CHN2: variants seen among roughly 807,000 people sequenced by gnomAD.
The protein encoded by CHN2 is chimerin 2.
In CHN2, 35 loss-of-function variants were observed where a neutral mutation model predicts 56.3. That is an observed-to-expected ratio of 0.62 (90% CI 0.47 to 0.82). The LOEUF is 0.82. CHN2 is among the 40% of genes least tolerant of loss of function. CHN2 has a pLI of 0.00. For synonymous variants in CHN2, 210 were observed against 212.8 expected (o/e 0.99, Z 0.12); for missense variants, 491 against 580.5 (o/e 0.85, Z 1.58).
intron 1 of CHN2, among the ~76,000 whole-genome samples, chr7:29,218,928 A>G (rs1785557268): frequency 1.3e-5 from 2 of 152,022 alleles, no homozygotes; most frequent in Non-Finnish European, 2.9e-5. Context: ...TGTTGTGCAC[A>G]TGTACCCTAG....
chr7:29,202,326 G>T (rs1784222749), intron 1 of CHN2, among the ~76,000 whole-genome samples: 1 of 152,198 alleles, frequency 6.6e-6, no homozygotes, highest in Non-Finnish European at 1.5e-5. Flanking sequence ...AAATGCATTG[G>T]TTTTTAGAAA....
chr7:29,401,163 G>T (rs1363141839), intron 6 of CHN2: 1 of 255,314 alleles, frequency 3.9e-6, no homozygotes, highest in African/African-American at 2.3e-5. Flanking sequence ...AGTTACTTGG[G>T]AGGCTGAGGC....
chr7:29,334,237 G>A (rs1796447011), intron 1 of CHN2, among the ~76,000 whole-genome samples: 1 of 151,766 alleles, frequency 6.6e-6, no homozygotes, highest in Non-Finnish European at 1.5e-5. Flanking sequence ...TTTTAGTAGA[G>A]ACAGGGTTTC....
chr7:29,341,731 T>C (rs1797066401), intron 1 of CHN2, among the ~76,000 whole-genome samples: 1 of 152,242 alleles, frequency 6.6e-6, no homozygotes, highest in South Asian at 2.1e-4. Flanking sequence ...TTTTCTACAA[T>C]GTTCAAACCA....
At chr7:29,290,369 A>G (rs1187656119) in intron 1 of CHN2, among the ~76,000 whole-genome samples, 1 of 152,184 alleles carries the variant, frequency 6.6e-6, no homozygotes, top group East Asian at 1.9e-4. Context: ...GGTTCTGTGG[A>G]TAGCGAATCT....
chr7:29,192,951 G>A (rs1272593009), upstream of CHN2: 1 of 152,248 alleles, frequency 6.6e-6, no homozygotes, highest in Non-Finnish European at 1.5e-5. Context: ...GAAACAGTAA[G>A]TTCCTTCTGA....
chr7:29,474,474 CCAGACA>C (rs1786423350), intron 6 of CHN2, among the ~76,000 whole-genome samples: 2 of 151,572 alleles, frequency 1.3e-5, no homozygotes, highest in Non-Finnish European at 2.9e-5. Flanking sequence ...CTTTTTTTTT[CCAGACA>C]CAGGCCAGTT....
chr7:29,214,136 C>T (rs531526323), intron 1 of CHN2, among the ~76,000 whole-genome samples: 6 of 152,204 alleles, frequency 3.9e-5, no homozygotes, highest in East Asian at 3.9e-4. Flanking sequence ...CAATTCGATC[C>T]GATTTCCCTT....
At chr7:29,252,976 T>C (rs1788760642) in intron 1 of CHN2, among the ~76,000 whole-genome samples, 1 of 152,140 alleles carries the variant, frequency 6.6e-6, no homozygotes, top group Non-Finnish European at 1.5e-5. Flanking sequence ...TACAGGACCA[T>C]CCAAACATGT....
intron 1 of CHN2, among the ~76,000 whole-genome samples, chr7:29,195,897 T>C (rs1783669146): frequency 2.0e-5 from 3 of 152,116 alleles, no homozygotes; most frequent in African/African-American, 4.8e-5. Flanking sequence ...ATCAGAATGA[T>C]GCATTAGGTA....
intron 6 of CHN2, among the ~76,000 whole-genome samples, chr7:29,449,427 C>T (rs1226914543): frequency 1.3e-5 from 2 of 152,120 alleles, no homozygotes; most frequent in Non-Finnish European, 1.5e-5. Context: ...AAATAGGCAT[C>T]ATTTTGTAAA....
intron 6 of CHN2, among the ~76,000 whole-genome samples, chr7:29,447,648 C>T (rs1161757417): frequency 6.6e-6 from 1 of 152,058 alleles, no homozygotes; most frequent in Non-Finnish European, 1.5e-5. Flanking sequence ...TACCTCAAAA[C>T]CAGTGGTAGG....
chr7:29,300,279 C>T (rs1473435043), intron 1 of CHN2, among the ~76,000 whole-genome samples: 1 of 152,098 alleles, frequency 6.6e-6, no homozygotes, highest in Non-Finnish European at 1.5e-5. Context: ...GTGTTGAAGC[C>T]TTCAGGGCAT....
In CHN2 at chr7:29,480,263, C is replaced by A; in HGVS notation, c.577-16C>A. ...GCTTTCTTTGGCCCCCTCTCAAACT[C>A]TTTGCCTGTTCACAGATCTCCTCCC... On this transcript the variant is annotated splice_polypyrimidine_tract_variant and intron_variant, in intron 6 of 12. Coordinates refer to ENST00000222792, the MANE Select transcript of CHN2 (RefSeq NM_004067.4). 1 of 1,614,208 alleles carries A rather than the reference C, an allele frequency of 6.2e-7. No individual in the cohort carries two copies. Among genetic ancestry groups the A allele is most frequent in the Non-Finnish European group, 8.5e-7 (1 of 1,180,038 alleles).
At chr7:29,478,288 G>A (rs972012814) in intron 6 of CHN2, among the ~76,000 whole-genome samples, 3 of 152,212 alleles carry the variant, frequency 2.0e-5, no homozygotes, top group African/African-American at 4.8e-5. Flanking sequence ...TTGTGGAGGG[G>A]AGTGTAGGGA....
intron 2 of CHN2, among the ~76,000 whole-genome samples, chr7:29,175,431 C>T (rs1024263828): frequency 6.6e-6 from 1 of 152,118 alleles, no homozygotes; most frequent in African/African-American, 2.4e-5. Context: ...CCGCCTCGGC[C>T]TCCCAAAGTG....
intron 1 of CHN2, among the ~76,000 whole-genome samples, chr7:29,247,230 G>A (rs1271124265): frequency 6.6e-6 from 1 of 152,124 alleles, no homozygotes; most frequent in Non-Finnish European, 1.5e-5. Context: ...CTGAGCTTGG[G>A]GACTGAGATC....
At chr7:29,381,703 C>A (rs941575940) in intron 3 of CHN2, among the ~76,000 whole-genome samples, 1 of 145,834 alleles carries the variant, frequency 6.9e-6, no homozygotes, top group African/African-American at 2.5e-5. Context: ...TGGAGCCTGG[C>A]AAACCTTACA....
At chr7:29,212,042 C>T (rs1028251234) in intron 1 of CHN2, among the ~76,000 whole-genome samples, 3 of 152,142 alleles carry the variant, frequency 2.0e-5, no homozygotes, top group Non-Finnish European at 2.9e-5. Flanking sequence ...AAATCCCAGG[C>T]TTGGCATCAT....
Sources: gnomAD v4.1 joint callset for allele counts (sites outside exome capture counted in the v4.1 genomes callset) on GRCh38, gnomAD v4.1.1 for gene constraint, MANE v1.5 for transcripts, NCBI Gene and HGNC (gene_info 2026-07-23, HGNC 2026-07-21) for gene names.